The following NBR1 variants were observed in gnomAD, a reference collection of about 807,000 sequenced individuals.
The protein encoded by NBR1 is NBR1 autophagy cargo receptor, also known as next to BRCA1 gene 1 protein.
NBR1 carries 59 observed loss-of-function variants against 115.5 expected under a neutral mutation model. The observed-to-expected ratio is 0.51, with a 90% CI of 0.41 to 0.63. The LOEUF is 0.63. Ranked by LOEUF, NBR1 falls within the 30% of genes least tolerant of loss-of-function variation. The pLI, the probability that NBR1 is intolerant of heterozygous loss-of-function variation, is 0.00. For synonymous variants in NBR1, 373 were observed against 414.7 expected (o/e 0.90, Z 1.22); for missense variants, 1,043 against 1,150.5 (o/e 0.91, Z 1.35).
intron 10 of NBR1, 39 bp downstream of exon 10, chr17:43,191,620 C>T: frequency 2.8e-6 from 4 of 1,425,536 alleles, no homozygotes; most frequent in Non-Finnish European, 3.8e-6. Flanking sequence ...AACTTTAGGC[C>T]CAGCTCTCTG....
At chr17:43,179,203 A>G (rs1455422664) in intron 3 of NBR1, among the ~76,000 whole-genome samples, 191 bp from the exon 4 acceptor site, 2 of 152,208 alleles carry the variant, frequency 1.3e-5, no homozygotes, top group East Asian at 1.9e-4. Context: ...CTTTTAATGT[A>G]TCTGAAATAA....
chr17:43,199,664 C>T (rs771848581), intron 16 of NBR1, among the ~76,000 whole-genome samples: 5 of 152,080 alleles, frequency 3.3e-5, no homozygotes, highest in Admixed American at 6.6e-5. Context: ...CGTGAGCCAC[C>T]GTGCCTGGCC....
In NBR1 at chr17:43,194,961, T is replaced by C. The variant is rs985457124; in HGVS notation, c.1675-3T>C. The C allele has an allele frequency of 5.6e-6, 9 of 1,612,874 alleles. No individual in the cohort carries two copies. Among genetic ancestry groups the C allele is most frequent in the Non-Finnish European group, 7.6e-6 (9 of 1,179,230 alleles). On this transcript the variant is annotated splice_polypyrimidine_tract_variant and splice_region_variant and intron_variant, in intron 13 of 20. Transcript: ENST00000590996. ...AACAGCCTAACATTGTCTTTTTTTA[T>C]AGGACCTGCTGTCCTTTGAGCTGTT...
At chr17:43,208,823 C>T (rs541793494) in intron 20 of NBR1, among the ~76,000 whole-genome samples, 6 of 152,132 alleles carry the variant, frequency 3.9e-5, no homozygotes, top group South Asian at 2.1e-4. Context: ...AAAAATTTGC[C>T]GGGCGTGGTA....
At chr17:43,196,233 C>T in intron 14 of NBR1, 1 of 357,968 alleles carries the variant, frequency 2.8e-6, no homozygotes, top group Non-Finnish European at 5.0e-6. Context: ...CCTTTATGTT[C>T]ATGGTTTTGT....
At chr17:43,198,180 AG>A (rs1176389862) in intron 16 of NBR1, among the ~76,000 whole-genome samples, 3 of 151,976 alleles carry the variant, frequency 2.0e-5, no homozygotes, top group Admixed American at 6.6e-5. Flanking sequence ...AAAAAAAAAA[AG>A]GAATAAATAC....
intron 2 of NBR1, 24 bp downstream of exon 2, chr17:43,175,925 C>T (rs1428929938): frequency 1.5e-6 from 2 of 1,349,256 alleles, no homozygotes; most frequent in South Asian, 1.2e-5. Context: ...TATTTTGTTT[C>T]TCCTTGGTTT....
intron 1 of NBR1, among the ~76,000 whole-genome samples, chr17:43,173,707 G>A (rs1234237478): frequency 6.6e-6 from 1 of 152,100 alleles, no homozygotes; most frequent in Non-Finnish European, 1.5e-5. Flanking sequence ...CTATTTTATA[G>A]GTTAAAGAAC....
At chr17:43,193,709 A>G in intron 12 of NBR1, 71 bp downstream of exon 12, 1 of 1,477,696 alleles carries the variant, frequency 6.8e-7, no homozygotes, top group Non-Finnish European at 9.1e-7. Flanking sequence ...TAAAACTAAA[A>G]GAACCCACTC....
intron 5 of NBR1, 54 bp from the exon 6 acceptor site, chr17:43,186,196 T>C: frequency 6.9e-7 from 1 of 1,440,014 alleles, no homozygotes; most frequent in East Asian, 2.5e-5. Context: ...TGAAATGTTA[T>C]TTAGGAGAAG....
chr17:43,188,858 C>A (rs769991216), intron 6 of NBR1, among the ~76,000 whole-genome samples, 184 bp from the exon 7 acceptor site: 10 of 152,176 alleles, frequency 6.6e-5, no homozygotes, highest in Non-Finnish European at 1.5e-4. Context: ...TAATAGTTTA[C>A]TTCTGTAGAA....
intron 20 of NBR1, among the ~76,000 whole-genome samples, chr17:43,206,227 C>T (rs1354685604): frequency 6.6e-6 from 1 of 150,680 alleles, no homozygotes; most frequent in African/African-American, 2.4e-5. Context: ...AGGCAGGATG[C>T]TGTGTTATGA....
At chr17:43,194,615 C>A in intron 13 of NBR1, 116 bp downstream of exon 13, 1 of 1,166,054 alleles carries the variant, frequency 8.6e-7, no homozygotes, top group Non-Finnish European at 1.2e-6. Context: ...TTGATCTAGT[C>A]AGGTATATTT....
At chr17:43,204,198 A>G (rs1020587228) in intron 20 of NBR1, among the ~76,000 whole-genome samples, 1 of 151,736 alleles carries the variant, frequency 6.6e-6, no homozygotes, top group African/African-American at 2.4e-5. Flanking sequence ...TCAGCCTCCC[A>G]AAGTGCTGGG....
chr17:43,209,661 C>G, intron 20 of NBR1: 1 of 1,535,426 alleles, frequency 6.5e-7, no homozygotes, highest in Non-Finnish European at 8.7e-7. Context: ...TCATTAGCTC[C>G]CCGGTTTCCC....
At chr17:43,194,922 C>T (rs777259005) in intron 13 of NBR1, 42 bp from the exon 14 acceptor site, 1 of 1,509,336 alleles carries the variant, frequency 6.6e-7, no homozygotes, top group East Asian at 2.3e-5. Context: ...GACATGGCTC[C>T]AGCATGCACT....
intron 3 of NBR1, among the ~76,000 whole-genome samples, chr17:43,178,857 G>A (rs1218379843): frequency 1.3e-5 from 2 of 151,322 alleles, no homozygotes; most frequent in Non-Finnish European, 2.9e-5. Context: ...AGAGCTCCTG[G>A]GTTCAAGGAA....
chr17:43,196,474 T>G lies in NBR1; in HGVS notation c.1751-7T>G. The G allele has an allele frequency of 2.0e-6, 3 of 1,523,350 alleles. No individual in the cohort carries two copies. The highest frequency in any genetic ancestry group is 2.7e-6 in the Non-Finnish European group (3 of 1,129,452). The allele number at this position is 1,523,350 out of a possible 1,614,324, so 94.4% of individuals were successfully genotyped here. ...TGATTGATGGTTCTCCTGTCTTCATTCTCCAGATGTGACTCCCTGCATGTC... is the reference window on the plus strand; with the variant it reads ...TGATTGATGGTTCTCCTGTCTTCATGCTCCAGATGTGACTCCCTGCATGTC... On this transcript the variant is annotated splice_region_variant and splice_polypyrimidine_tract_variant and intron_variant, in intron 14 of 20. Coordinates refer to ENST00000590996, the MANE Select transcript of NBR1 (RefSeq NM_005899.5).
chr17:43,186,349 G>T lies in NBR1; in HGVS notation c.307G>T (p.Ala103Ser). Residue 103 changes from alanine to serine, a missense_variant, in exon 6 of 21, where the codon GCT becomes TCT. By Grantham distance (99) the Ala-to-Ser change is moderately conservative. Coordinates refer to ENST00000590996, the MANE Select transcript of NBR1 (RefSeq NM_005899.5). The part of the protein sequence containing the change: ...PPPVVGAKRL[A>S]ARAGKKPLAH... ...CCCAGTTGTAGGAGCAAAACGACTA[G>T]CTGCCAGGGCAGGGAAGAAGCCACT... The T allele has an allele frequency of 6.3e-7, 1 of 1,599,796 alleles. No homozygotes were observed. Among genetic ancestry groups the T allele is most frequent in the Non-Finnish European group, 8.5e-7 (1 of 1,173,292 alleles).
Sources: gnomAD v4.1 joint callset for allele counts (sites outside exome capture counted in the v4.1 genomes callset) on GRCh38, gnomAD v4.1.1 for gene constraint, MANE v1.5 for transcripts, NCBI Gene and HGNC (gene_info 2026-07-23, HGNC 2026-07-21) for gene names.